Variants in APC observed in about 807,000 individuals in gnomAD.
The protein encoded by APC is APC regulator of Wnt signaling pathway.
Under a neutral mutation model 247.0 loss-of-function variants are expected in APC, and 72 were observed. The observed-to-expected ratio is 0.29, with a 90% CI of 0.24 to 0.35. APC has a LOEUF of 0.35. APC is among the 10% of genes least tolerant of loss of function. The pLI, the probability that APC is intolerant of heterozygous loss-of-function variation, is 1.00. For synonymous variants in APC, 1,254 were observed against 1,162.5 expected (o/e 1.08, Z -1.60); for missense variants, 3,400 against 3,360.7 (o/e 1.01, Z -0.29).
chr5:112,817,754 G>A (rs1762654701), intron 9 of APC, among the ~76,000 whole-genome samples: 1 of 152,104 alleles, frequency 6.6e-6, no homozygotes, highest in South Asian at 2.1e-4. Context: ...CCTTAATGGA[G>A]AAAACCTTGT....
intron 7 of APC, among the ~76,000 whole-genome samples, chr5:112,798,737 TA>T (rs1227797543): frequency 6.6e-6 from 1 of 151,412 alleles, no homozygotes; most frequent in Non-Finnish European, 1.5e-5. Context: ...AGTGAAAGAA[TA>T]AAAAAAAGTA....
intron 6 of APC, among the ~76,000 whole-genome samples, chr5:112,790,268 A>T (rs1717783407): frequency 6.6e-6 from 1 of 151,764 alleles, no homozygotes; most frequent in Admixed American, 6.6e-5. Flanking sequence ...AAGATAGATT[A>T]ATTTGGGACT....
At chr5:112,738,286 G>A (rs1752562906) in intron 1 of APC, 1 of 985,428 alleles carries the variant, frequency 1.0e-6, no homozygotes, top group South Asian at 4.7e-5. Context: ...AAAGAATGGA[G>A]CATATTCATG....
chr5:112,768,402 A>G (rs1474135055), intron 4 of APC, among the ~76,000 whole-genome samples: 6 of 151,082 alleles, frequency 4.0e-5, no homozygotes, highest in Non-Finnish European at 5.9e-5. Flanking sequence ...CTGGATTTTT[A>G]TTGAATTTCT....
chr5:112,831,580 GCTA>G (rs2149828427), intron 14 of APC, among the ~76,000 whole-genome samples: 1 of 152,070 alleles, frequency 6.6e-6, no homozygotes, highest in South Asian at 2.1e-4. Flanking sequence ...CTCAACTTCA[GCTA>G]CTAATGAGCA....
chr5:112,733,156 A>T (rs1047722660), upstream of APC, among the ~76,000 whole-genome samples: 1 of 152,224 alleles, frequency 6.6e-6, no homozygotes, highest in African/African-American at 2.4e-5. Flanking sequence ...TAAGTTTTAG[A>T]AAGGGCTGAT....
chr5:112,732,619 A>C (rs187277183), intron 1 of APC, among the ~76,000 whole-genome samples: 1 of 152,342 alleles, frequency 6.6e-6, no homozygotes, highest in East Asian at 1.9e-4. Flanking sequence ...TGTTTAATGA[A>C]CACCTATGTA....
At chr5:112,797,275 G>A (rs182877830) in intron 7 of APC, among the ~76,000 whole-genome samples, 46 of 152,210 alleles carry the variant, frequency 3.0e-4, no homozygotes, top group East Asian at 1.3e-3. Flanking sequence ...CAATTTTGCC[G>A]TTTGTGGTTT....
In APC at chr5:112,770,891, C is replaced by A. The variant is rs143990820; in HGVS notation, c.422+3501C>A. On this transcript the variant is annotated intron_variant, in intron 4 of 15. Coordinates refer to ENST00000257430, the MANE Select transcript of APC (RefSeq NM_000038.6). Reference sequence around the variant, plus strand: ...ACATACATATATATAAGTTCTATTTCTTGTTCTTTCCTGTGAGTGACTGTG... The same window carrying A: ...ACATACATATATATAAGTTCTATTTATTGTTCTTTCCTGTGAGTGACTGTG... Among the ~76,000 whole-genome samples, 1,210 of 152,144 alleles carry A rather than the reference C, an allele frequency of 8.0e-3. 16 individuals carry two copies. The highest frequency in any genetic ancestry group is 0.028 in the African/African-American group (1,152 of 41,526).
intron 6 of APC, among the ~76,000 whole-genome samples, chr5:112,790,885 A>G (rs768004408): frequency 5.0e-4 from 76 of 152,136 alleles, no homozygotes; most frequent in Admixed American, 9.8e-4. Flanking sequence ...GTTTGGAAAT[A>G]CTCCATCTAG....
intron 4 of APC, among the ~76,000 whole-genome samples, chr5:112,773,739 C>G (rs139072439): frequency 1.1e-3 from 165 of 152,190 alleles, no homozygotes; most frequent in African/African-American, 3.9e-3. Context: ...GTGTCAAGTT[C>G]AGAAAATTAT....
intron 8 of APC, among the ~76,000 whole-genome samples, chr5:112,812,077 G>T (rs988715502): frequency 3.3e-5 from 5 of 152,300 alleles, no homozygotes; most frequent in Middle Eastern, 3.4e-3. Flanking sequence ...GGGAACAAGA[G>T]AGGTGCCCAA....
intron 6 of APC, among the ~76,000 whole-genome samples, chr5:112,790,241 A>T (rs925723026): frequency 7.2e-5 from 11 of 152,130 alleles, no homozygotes; most frequent in Non-Finnish European, 8.8e-5. Context: ...AAAAAGAAAG[A>T]AAAGAGGGAG....
At chr5:112,818,782 G>T in intron 9 of APC, among the ~76,000 whole-genome samples, 184 bp from the exon 10 acceptor site, 1 of 146,322 alleles carries the variant, frequency 6.8e-6, no homozygotes, top group African/African-American at 2.5e-5. Context: ...ATGATACATA[G>T]ATTTTGAAAT....
chr5:112,788,893 G>A (rs1169495246), intron 6 of APC, among the ~76,000 whole-genome samples: 1 of 152,006 alleles, frequency 6.6e-6, no homozygotes, highest in Non-Finnish European at 1.5e-5. Context: ...ATCCTTTCCA[G>A]TCCTTACAGC....
chr5:112,844,769 AC>A lies in APC; in HGVS notation c.*644del. ...TACACTATTTTGTGCTCCAAACAAA[AC>A]AAAAATCTGTGTAACTGTAAAACAT... On this transcript the variant is annotated 3_prime_UTR_variant, in exon 16 of 16. Transcript: ENST00000257430. The A allele has an allele frequency of 4.3e-6, 1 of 232,002 alleles. No individual in the cohort carries two copies. Among genetic ancestry groups the A allele is most frequent in the Non-Finnish European group, 8.5e-6 (1 of 117,144 alleles). The allele number at this position is 232,002 out of a possible 1,614,324, so 14.4% of individuals were successfully genotyped here. A position where few individuals can be genotyped will look rare whatever the true frequency, so the allele number is the denominator to read the frequency against.
At chr5:112,785,716 T>G (rs1229518053) in intron 6 of APC, among the ~76,000 whole-genome samples, 1 of 152,188 alleles carries the variant, frequency 6.6e-6, no homozygotes, top group Non-Finnish European at 1.5e-5. Flanking sequence ...GAAGTTACAT[T>G]ATAAATTTTG....
chr5:112,797,087 A>G (rs913792824), intron 7 of APC, among the ~76,000 whole-genome samples: 2 of 152,034 alleles, frequency 1.3e-5, no homozygotes, highest in African/African-American at 4.8e-5. Context: ...TATCTGTTCA[A>G]AACTTTTTAT....
At chr5:112,811,729 CT>C (rs1762001430) in intron 8 of APC, among the ~76,000 whole-genome samples, 1 of 152,202 alleles carries the variant, frequency 6.6e-6, no homozygotes, top group Non-Finnish European at 1.5e-5. Flanking sequence ...CTCCTGTTTT[CT>C]TTTGTTTCAA....
Sources: allele counts gnomAD v4.1 joint callset (sites outside exome capture counted in the v4.1 genomes callset), GRCh38; gene constraint gnomAD v4.1.1; transcripts MANE v1.5; gene names NCBI Gene and HGNC (gene_info 2026-07-23, HGNC 2026-07-21).